The following CLPB variants were observed in gnomAD, a reference collection of about 807,000 sequenced individuals.
The protein encoded by CLPB is mitochondrial disaggregase.
Under a neutral mutation model 78.4 loss-of-function variants are expected in CLPB, and 40 were observed. The ratio of observed to expected loss-of-function variants is 0.51; its 90% confidence interval spans 0.40 to 0.66. The LOEUF (loss-of-function observed/expected upper bound fraction) is 0.66. CLPB is among the 30% of genes least tolerant of loss of function. The pLI is 0.00. For missense variants in CLPB, 780 were observed against 886.9 expected (o/e 0.88, Z 1.53); for synonymous variants, 333 against 348.0 (o/e 0.96, Z 0.48).
chr11:72,345,872 C>A (rs1303314610), intron 5 of CLPB, among the ~76,000 whole-genome samples: 1 of 152,148 alleles, frequency 6.6e-6, no homozygotes, highest in Non-Finnish European at 1.5e-5. Flanking sequence ...GCAAACAAAT[C>A]CTGACCTGAA....
At chr11:72,294,230 C>A (rs1185240535) in intron 14 of CLPB, 95 bp downstream of exon 14, 2 of 1,607,220 alleles carry the variant, frequency 1.2e-6, no homozygotes, top group African/African-American at 1.4e-5. Context: ...CCACTGTGCT[C>A]CACCTTTTAT....
chr11:72,427,781 CAG>C (rs1856430098), intron 2 of CLPB, among the ~76,000 whole-genome samples: 1 of 152,144 alleles, frequency 6.6e-6, no homozygotes, highest in African/African-American at 2.4e-5. Flanking sequence ...TTGCACTACT[CAG>C]AATGTGTCCC....
intron 2 of CLPB, among the ~76,000 whole-genome samples, chr11:72,414,841 C>T (rs947745451): frequency 4.6e-5 from 7 of 152,166 alleles, no homozygotes; most frequent in African/African-American, 1.2e-4. Flanking sequence ...CTGCCTACTA[C>T]GCAACAGATA....
chr11:72,397,910 C>T (rs1403624762), intron 3 of CLPB, among the ~76,000 whole-genome samples: 5 of 152,210 alleles, frequency 3.3e-5, no homozygotes, highest in Non-Finnish European at 7.3e-5. Flanking sequence ...CTTAGTGCTG[C>T]TGGAACAGAG....
At chr11:72,409,999 CGG>C (rs1158544591) in intron 2 of CLPB, among the ~76,000 whole-genome samples, 9 of 151,236 alleles carry the variant, frequency 6.0e-5, no homozygotes, top group African/African-American at 2.2e-4. Context: ...CAGGCTCTGG[CGG>C]GTGGATCACC....
At chr11:72,378,408 T>C (rs949488510) in intron 4 of CLPB, among the ~76,000 whole-genome samples, 12 of 152,186 alleles carry the variant, frequency 7.9e-5, no homozygotes, top group Admixed American at 3.3e-4. Context: ...ACTTCTTACA[T>C]GGCAGTGGCA....
chr11:72,424,239 CAG>C (rs1856297022), intron 2 of CLPB, among the ~76,000 whole-genome samples: 1 of 152,178 alleles, frequency 6.6e-6, no homozygotes, highest in South Asian at 2.1e-4. Context: ...GTATCGGGCC[CAG>C]AGAGACCTGA....
intron 10 of CLPB, 140 bp from the exon 11 acceptor site, chr11:72,302,104 G>T: frequency 2.9e-6 from 3 of 1,024,804 alleles, no homozygotes; most frequent in Non-Finnish European, 4.3e-6. Context: ...ATCTCCTGGT[G>T]TGGCAGATAG....
chr11:72,330,142 A>G (rs938086006), intron 5 of CLPB, among the ~76,000 whole-genome samples: 2 of 152,250 alleles, frequency 1.3e-5, no homozygotes, highest in African/African-American at 4.8e-5. Context: ...ATATTTTCCA[A>G]CATATCAGCA....
At chr11:72,377,912 T>C (rs1244662112) in intron 4 of CLPB, among the ~76,000 whole-genome samples, 1 of 152,186 alleles carries the variant, frequency 6.6e-6, no homozygotes, top group Non-Finnish European at 1.5e-5. Flanking sequence ...ATCACAATGG[T>C]CGAGGTAAGT....
intron 3 of CLPB, among the ~76,000 whole-genome samples, chr11:72,395,753 G>A (rs996562648): frequency 3.9e-5 from 6 of 152,168 alleles, no homozygotes; most frequent in African/African-American, 7.2e-5. Flanking sequence ...AGGCAGGACC[G>A]ACTTCCATGT....
At chr11:72,397,940 C>T (rs915132915) in intron 3 of CLPB, among the ~76,000 whole-genome samples, 6 of 152,162 alleles carry the variant, frequency 3.9e-5, no homozygotes, top group East Asian at 1.9e-4. Context: ...GTACTTAAAC[C>T]GTGCTAAAAC....
At chr11:72,366,812 C>T (rs1950951820) in intron 4 of CLPB, among the ~76,000 whole-genome samples, 1 of 152,178 alleles carries the variant, frequency 6.6e-6, no homozygotes, top group African/African-American at 2.4e-5. Flanking sequence ...CTATGGAAAG[C>T]TGTTTGGAGA....
intron 2 of CLPB, chr11:72,408,135 T>C (rs948876617): frequency 6.4e-5 from 99 of 1,535,374 alleles, no homozygotes; most frequent in Non-Finnish European, 8.2e-5. Flanking sequence ...TTGGTGTTCT[T>C]CAGTGAGACT....
rs908024637 is a variant in CLPB, at chr11:72,291,095, G to C, written c.*2272C>G. 1 of 152,072 alleles carries C rather than the reference G, an allele frequency of 6.6e-6. No individual in the cohort carries two copies. The highest frequency in any genetic ancestry group is 2.1e-4 in the South Asian group (1 of 4,818). The allele number at this position is 152,072 out of a possible 1,614,324, so 9.4% of individuals were successfully genotyped here. A position where few individuals can be genotyped will look rare whatever the true frequency, so the allele number is the denominator to read the frequency against. On this transcript the variant is annotated 3_prime_UTR_variant, in exon 16 of 16. Transcript: ENST00000538039. ...AAACATTAAACAAACTAAAACTGGG[G>C]AATATTCTATAAAATAACTGGCCTG... is the stretch of plus-strand genomic sequence containing the variant.
intron 3 of CLPB, among the ~76,000 whole-genome samples, chr11:72,395,330 T>TCCCATGCTCCCGGCC (rs1344187836): frequency 3.3e-5 from 5 of 152,136 alleles, no homozygotes; most frequent in Non-Finnish European, 7.4e-5. Flanking sequence ...GGTTCCAGCA[T>TCCCATGCTCCCGGCC]CCTTCGGTCC....
chr11:72,325,807 C>T (rs1950123780), intron 6 of CLPB, among the ~76,000 whole-genome samples: 1 of 152,110 alleles, frequency 6.6e-6, no homozygotes, highest in African/African-American at 2.4e-5. Context: ...CTCCCAATCC[C>T]CAAGGCATTA....
intron 6 of CLPB, among the ~76,000 whole-genome samples, chr11:72,320,588 A>C (rs1175517683): frequency 1.3e-5 from 2 of 152,204 alleles, no homozygotes; most frequent in Non-Finnish European, 2.9e-5. Flanking sequence ...TTCTTGATAA[A>C]AATGTAAAGG....
intron 3 of CLPB, among the ~76,000 whole-genome samples, chr11:72,396,270 A>G (rs1450627773): frequency 6.6e-6 from 1 of 152,112 alleles, no homozygotes; most frequent in Non-Finnish European, 1.5e-5. Context: ...GATGAAATGC[A>G]CTCGGGGAGA....
Sources: gnomAD v4.1 joint callset for allele counts (sites outside exome capture counted in the v4.1 genomes callset) on GRCh38, gnomAD v4.1.1 for gene constraint, MANE v1.5 for transcripts, NCBI Gene and HGNC (gene_info 2026-07-23, HGNC 2026-07-21) for gene names.